SNX13: variants seen among roughly 807,000 people sequenced by gnomAD.
SNX13 encodes sorting nexin-13.
A neutral mutation model predicts 133.6 loss-of-function variants in SNX13; 45 were observed. The ratio of observed to expected loss-of-function variants is 0.34; its 90% CI spans 0.27 to 0.43. The LOEUF (loss-of-function observed/expected upper bound fraction) is 0.43, where lower values mean the gene tolerates loss of function less well. SNX13 is among the 20% of genes least tolerant of loss of function. SNX13 has a pLI of 1.00. For missense variants in SNX13, 1,032 were observed against 1,145.1 expected (o/e 0.90, Z 1.43); for synonymous variants, 414 against 373.9 (o/e 1.11, Z -1.24).
intron 20 of SNX13, among the ~76,000 whole-genome samples, chr7:17,810,428 G>A (rs1482407273): frequency 2.0e-5 from 3 of 152,000 alleles, no homozygotes; most frequent in East Asian, 1.9e-4. Flanking sequence ...AGAAGAAGTC[G>A]AATCCCTGAA....
In SNX13 at chr7:17,875,527, T is replaced by C. The variant is rs1794627130; in HGVS notation, c.617A>G (p.Lys206Arg). The change falls in exon 7 of 26, where the codon AAG becomes AGG. Residue 206 changes from lysine (K) to arginine (R), a missense_variant. Physicochemically the swap from Lys to Arg is conservative, Grantham distance 26. Coordinates refer to ENST00000428135, the MANE Select transcript of SNX13 (RefSeq NM_015132.5). The part of the protein sequence containing the change: ...TFFEVEVEME[K>R]EVCRDLVCTS... The stretch of plus-strand genomic sequence containing the variant: ...GCACACTAGATCACGGCAAACCTCC[T>C]TCTCCATTTCAACTTCAACTTCAAA... 5 of 1,610,422 alleles carry C rather than the reference T, an allele frequency of 3.1e-6. No homozygotes were observed. The highest frequency in any genetic ancestry group is 1.7e-5 in the Admixed American group (1 of 59,436).
At chr7:17,881,959 A>G (rs1317349454) in intron 5 of SNX13, 1 of 152,236 alleles carries the variant, frequency 6.6e-6, no homozygotes, top group Non-Finnish European at 1.5e-5. Flanking sequence ...GTCTCCTTTT[A>G]TCATCCACTT....
chr7:17,860,169 T>C (rs1302282410), intron 9 of SNX13, among the ~76,000 whole-genome samples: 3 of 152,142 alleles, frequency 2.0e-5, no homozygotes, highest in African/African-American at 7.2e-5. Flanking sequence ...TTTTTTTTTC[T>C]TTTAATAGTG....
rs34649849 is a variant in SNX13 at position 17,814,952 on chromosome 7, GA to G, written c.1954-9del. On this transcript the variant is annotated splice_polypyrimidine_tract_variant and intron_variant, in intron 19 of 25. Transcript: ENST00000428135. ...TTCAGGAGCTAACAGTAACTAACAA[GA>G]AAAAAAAAAAAAAGAAGAGATTATC... The G allele has an allele frequency of 0.03, 35,324 of 1,171,218 alleles. No individual in the cohort carries two copies. Among genetic ancestry groups the G allele is most frequent in the South Asian group, 0.033 (1,429 of 43,962 alleles). The allele number at this position is 1,171,218 out of a possible 1,614,324, so 72.6% of individuals were successfully genotyped here. A position where few individuals can be genotyped will look rare whatever the true frequency, so the allele number is the denominator to read the frequency against.
chr7:17,913,760 CA>C (rs71010278), intron 1 of SNX13, among the ~76,000 whole-genome samples: 18,739 of 54,594 alleles, frequency 0.34, 964 homozygotes, highest in Admixed American at 0.4. Context: ...TTAACAAAAA[CA>C]AAAAAAAAAA....
At chr7:17,831,835 G>A (rs1788526874) in intron 15 of SNX13, 1 of 982,950 alleles carries the variant, frequency 1.0e-6, no homozygotes, top group Non-Finnish European at 1.2e-6. Flanking sequence ...ATAAAAAGAA[G>A]TATATCAGAA....
At chr7:17,810,824 C>T (rs1016962016) in intron 20 of SNX13, among the ~76,000 whole-genome samples, 1 of 152,178 alleles carries the variant, frequency 6.6e-6, no homozygotes, top group Non-Finnish European at 1.5e-5. Context: ...TTGGCTTCAT[C>T]CCTGGGATGC....
chr7:17,821,928 TTC>T (rs1437279666), intron 17 of SNX13, among the ~76,000 whole-genome samples: 26 of 152,150 alleles, frequency 1.7e-4, no homozygotes, highest in Non-Finnish European at 1.9e-4. Flanking sequence ...CCTATTACAA[TTC>T]TCTCTTCCAA....
At chr7:17,871,036 G>C (rs564157037) in intron 8 of SNX13, among the ~76,000 whole-genome samples, 57 of 150,858 alleles carry the variant, frequency 3.8e-4, no homozygotes, top group African/African-American at 9.5e-4. Context: ...GAGGGAGTCT[G>C]GCTCTGTCGC....
In SNX13 at chr7:17,834,153, A is replaced by T. The variant is rs1380770494; in HGVS notation, c.1496T>A (p.Phe499Tyr). The part of the protein sequence containing the change: ...VYELMLRDER[F>Y]YPSFRQNALY... Reference sequence around the variant, plus strand: ...TGCATTCTGTCTGAAGGAAGGATAAAATCTTTCATCTCGTAGCATCAATTC... The same window carrying T: ...TGCATTCTGTCTGAAGGAAGGATAATATCTTTCATCTCGTAGCATCAATTC... The change falls in exon 15 of 26, where the codon TTT becomes TAT. Residue 499 changes from phenylalanine to tyrosine, a missense_variant. By Grantham distance (22) the Phe-to-Tyr change is conservative. Coordinates refer to ENST00000428135, the MANE Select transcript of SNX13 (RefSeq NM_015132.5). The T allele has an allele frequency of 6.3e-7, 1 of 1,593,730 alleles. No individual in the cohort carries two copies. The highest frequency in any genetic ancestry group is 8.6e-7 in the Non-Finnish European group (1 of 1,167,358).
intron 9 of SNX13, among the ~76,000 whole-genome samples, chr7:17,851,195 A>G: frequency 6.6e-6 from 1 of 152,260 alleles, no homozygotes; most frequent in East Asian, 1.9e-4. Flanking sequence ...ACATGCTCAC[A>G]GTATTTGATG....
intron 2 of SNX13, among the ~76,000 whole-genome samples, chr7:17,894,100 C>T (rs1410370299): frequency 2.0e-5 from 3 of 151,720 alleles, no homozygotes; most frequent in Admixed American, 6.6e-5. Context: ...GTCAGGAGAT[C>T]GAGACCACCC....
intron 4 of SNX13, 77 bp from the exon 5 acceptor site, chr7:17,890,561 G>T: frequency 9.1e-7 from 1 of 1,097,566 alleles, no homozygotes; most frequent in Non-Finnish European, 1.3e-6. Context: ...AAAAAAGTAT[G>T]CTGTATCTAC....
At chr7:17,845,729 T>C in intron 11 of SNX13, 35 bp from the exon 12 acceptor site, 1 of 1,361,150 alleles carries the variant, frequency 7.3e-7, no homozygotes, top group Non-Finnish European at 1.0e-6. Flanking sequence ...TAATATTTTA[T>C]CTAATCATTC....
intron 2 of SNX13, among the ~76,000 whole-genome samples, chr7:17,896,062 CA>C (rs923257813): frequency 2.0e-5 from 3 of 152,140 alleles, no homozygotes; most frequent in Non-Finnish European, 2.9e-5. Context: ...GGGAGAGGTG[CA>C]ACCATGTCAC....
intron 22 of SNX13, among the ~76,000 whole-genome samples, chr7:17,799,813 G>A (rs1784426065): frequency 6.6e-6 from 1 of 151,646 alleles, no homozygotes. Context: ...GGAATGCTTT[G>A]ATGCAAAAAA....
chr7:17,850,689 A>G (rs540246228), intron 10 of SNX13, 137 bp downstream of exon 10: 4 of 723,564 alleles, frequency 5.5e-6, no homozygotes, highest in Non-Finnish European at 6.3e-6. Context: ...AACTAAGCAC[A>G]TGTTAACCTA....
chr7:17,895,691 A>G (rs1379889378), intron 2 of SNX13, among the ~76,000 whole-genome samples: 1 of 152,180 alleles, frequency 6.6e-6, no homozygotes, highest in Non-Finnish European at 1.5e-5. Flanking sequence ...AAAAGGAACA[A>G]TGAAGGTTCT....
chr7:17,806,981 G>A (rs879400867), intron 20 of SNX13, among the ~76,000 whole-genome samples: 10 of 152,280 alleles, frequency 6.6e-5, no homozygotes, highest in Admixed American at 2.0e-4. Context: ...GATTTCCTCC[G>A]GTGCCTCCGC....
Sources: allele counts gnomAD v4.1 joint callset (sites outside exome capture counted in the v4.1 genomes callset), GRCh38; gene constraint gnomAD v4.1.1; transcripts MANE v1.5; gene names NCBI Gene and HGNC (gene_info 2026-07-23, HGNC 2026-07-21).